Variants in SPIRE1 observed in about 807,000 individuals in gnomAD.
SPIRE1 encodes the protein spire type actin nucleation factor 1.
SPIRE1 carries 40 observed loss-of-function variants against 94.1 expected under a neutral mutation model. That is an observed-to-expected ratio of 0.43 (90% CI 0.33 to 0.55). SPIRE1 has a LOEUF of 0.55. SPIRE1 is among the 20% of genes least tolerant of loss of function. SPIRE1 has a pLI of 0.06. For missense variants in SPIRE1, 838 were observed against 975.2 expected (o/e 0.86, Z 1.87); for synonymous variants, 376 against 371.7 (o/e 1.01, Z -0.13).
At chr18:12,568,284 A>T (rs1261178942) in intron 2 of SPIRE1, among the ~76,000 whole-genome samples, 1 of 152,132 alleles carries the variant, frequency 6.6e-6, no homozygotes, top group African/African-American at 2.4e-5. Context: ...TCTTACTACA[A>T]AGTTACCTTT....
At chr18:12,525,536 C>G (rs747394583) in intron 4 of SPIRE1, among the ~76,000 whole-genome samples, 1 of 151,634 alleles carries the variant, frequency 6.6e-6, no homozygotes, top group Non-Finnish European at 1.5e-5. Flanking sequence ...TCTCTTGCTG[C>G]TTTTAGAAAA....
intron 2 of SPIRE1, among the ~76,000 whole-genome samples, chr18:12,556,920 C>T (rs928480754): frequency 6.6e-6 from 1 of 151,606 alleles, no homozygotes; most frequent in Non-Finnish European, 1.5e-5. Flanking sequence ...CGACCCCACC[C>T]ATATCCTGCT....
chr18:12,582,817 C>G (rs2036291058), intron 2 of SPIRE1, among the ~76,000 whole-genome samples: 1 of 152,176 alleles, frequency 6.6e-6, no homozygotes, highest in Non-Finnish European at 1.5e-5. Flanking sequence ...TCATTGAACA[C>G]TTACCACCCA....
In SPIRE1 at chr18:12,542,724, C is replaced by CT. The variant is rs2035045739; in HGVS notation, c.603+3949dup. On this transcript the variant is annotated intron_variant, in intron 3 of 16. Coordinates refer to ENST00000409402, the MANE Select transcript of SPIRE1 (RefSeq NM_001128626.2). ...TTCCCAATGCCAAGGTCTTAGAACA[C>CT]TAACTCCACGCTACTGTTATACATT... Among the ~76,000 whole-genome samples, 8 of 152,322 alleles carry CT rather than the reference C, an allele frequency of 5.3e-5. No homozygotes were observed. The South Asian group carries it at 1.7e-3, about 32-fold the overall frequency.
At chr18:12,597,574 G>C (rs1490903943) in intron 2 of SPIRE1, among the ~76,000 whole-genome samples, 1 of 152,126 alleles carries the variant, frequency 6.6e-6, no homozygotes, top group Non-Finnish European at 1.5e-5. Context: ...CAGCGCCCCA[G>C]AATAGTTCAA....
intron 2 of SPIRE1, among the ~76,000 whole-genome samples, chr18:12,584,075 A>C (rs12971041): frequency 0.17 from 25,665 of 152,226 alleles, 2,801 homozygotes; most frequent in Middle Eastern, 0.26. Context: ...CAGAAAGGTT[A>C]ATATAAAAGG....
At chr18:12,473,795 G>A (rs181465297) in intron 10 of SPIRE1, among the ~76,000 whole-genome samples, 161 of 152,322 alleles carry the variant, frequency 1.1e-3, no homozygotes, top group African/African-American at 3.6e-3. Flanking sequence ...ACTGTTCTGT[G>A]TGATAATTTG....
At chr18:12,535,087 A>G (rs1307222218) in intron 4 of SPIRE1, among the ~76,000 whole-genome samples, 5 of 152,108 alleles carry the variant, frequency 3.3e-5, no homozygotes, top group Non-Finnish European at 7.4e-5. Context: ...TGTGAGTGTC[A>G]CCTCTTTTCT....
At chr18:12,502,271 CA>C (rs2033690115) in intron 6 of SPIRE1, among the ~76,000 whole-genome samples, 1 of 151,412 alleles carries the variant, frequency 6.6e-6, no homozygotes. Context: ...CTAAGAAAAA[CA>C]AAAAACAAAA....
chr18:12,461,558 C>CATACATATGTATGTACATACATGT (rs1568184217), intron 12 of SPIRE1, among the ~76,000 whole-genome samples: 1 of 147,878 alleles, frequency 6.8e-6, no homozygotes, highest in African/African-American at 2.6e-5. Flanking sequence ...TACATACATG[C>CATACATATGTATGTACATACATGT]GTGTATATGT....
intron 6 of SPIRE1, among the ~76,000 whole-genome samples, chr18:12,498,392 C>T (rs1256744209): frequency 6.6e-6 from 1 of 152,048 alleles, no homozygotes; most frequent in Non-Finnish European, 1.5e-5. Flanking sequence ...AGCAACAATG[C>T]CTTAAACAAG....
chr18:12,562,449 C>T (rs374735880), intron 2 of SPIRE1, among the ~76,000 whole-genome samples: 86 of 148,214 alleles, frequency 5.8e-4, no homozygotes, highest in South Asian at 1.9e-3. Context: ...CAACACCTGA[C>T]TAAATTTATT....
chr18:12,536,207 A>G (rs1309404907), intron 3 of SPIRE1, among the ~76,000 whole-genome samples: 2 of 152,186 alleles, frequency 1.3e-5, no homozygotes, highest in African/African-American at 2.4e-5. Flanking sequence ...AAAGAGAACC[A>G]CCGTTTATTG....
intron 1 of SPIRE1, among the ~76,000 whole-genome samples, chr18:12,647,128 T>C (rs1269458638): frequency 3.3e-5 from 5 of 152,152 alleles, no homozygotes; most frequent in Non-Finnish European, 7.4e-5. Flanking sequence ...TTTGGTATTA[T>C]TAGGAATATA....
chr18:12,509,330 G>A (rs72877249), intron 5 of SPIRE1, among the ~76,000 whole-genome samples: 17,258 of 152,112 alleles, frequency 0.11, 1,482 homozygotes, highest in East Asian at 0.39. Flanking sequence ...AAATGAAGGT[G>A]GCTTATAGTA....
intron 16 of SPIRE1, chr18:12,450,632 A>G: frequency 5.2e-6 from 3 of 576,544 alleles, no homozygotes; most frequent in Non-Finnish European, 9.4e-6. Context: ...ATTTGATGAA[A>G]TGGCAAAGGT....
chr18:12,627,114 C>A (rs1000778542), intron 2 of SPIRE1, among the ~76,000 whole-genome samples: 23 of 151,802 alleles, frequency 1.5e-4, no homozygotes, highest in African/African-American at 5.1e-4. Flanking sequence ...AGGGTACATG[C>A]GCACAATGTG....
At chr18:12,603,413 T>C (rs575039732) in intron 2 of SPIRE1, among the ~76,000 whole-genome samples, 15 of 152,192 alleles carry the variant, frequency 9.9e-5, no homozygotes, top group African/African-American at 3.6e-4. Context: ...GTGATGGGTG[T>C]CTTTTTGTAT....
chr18:12,447,912 T>C lies in SPIRE1; in HGVS notation c.*1726A>G, dbSNP rs2031023665. ...GCCTGGGGTCATCAAAAGGGGTAGA[T>C]TTATACTCCCACCTAACTGTCTGGA... is the stretch of plus-strand genomic sequence containing the variant. On this transcript the variant is annotated 3_prime_UTR_variant, in exon 17 of 17. Transcript: ENST00000409402. 1 of 152,210 alleles carries C rather than the reference T, an allele frequency of 6.6e-6. No individual in the cohort carries two copies. The highest frequency in any genetic ancestry group is 1.9e-4 in the East Asian group (1 of 5,202). The allele number at this position is 152,210 out of a possible 1,614,324, so 9.4% of individuals were successfully genotyped here.
Sources: gnomAD v4.1 joint callset for allele counts (sites outside exome capture counted in the v4.1 genomes callset) on GRCh38, gnomAD v4.1.1 for gene constraint, MANE v1.5 for transcripts, NCBI Gene and HGNC (gene_info 2026-07-23, HGNC 2026-07-21) for gene names.